DLG2: variants seen among roughly 807,000 people sequenced by gnomAD.
DLG2 encodes the protein disks large homolog 2.
In DLG2, 45 loss-of-function variants were observed where a neutral mutation model predicts 132.5. The observed-to-expected ratio is 0.34, with a 90% CI of 0.27 to 0.44. The LOEUF is 0.44. Ranked by LOEUF, DLG2 falls within the 20% of genes least tolerant of loss-of-function variation. The probability of loss-of-function intolerance (pLI) is 1.00; values close to 1 mark genes in which losing one functional copy is unlikely to be tolerated. For missense variants in DLG2, 1,045 were observed against 1,196.9 expected (o/e 0.87, Z 1.87); for synonymous variants, 424 against 419.6 (o/e 1.01, Z -0.13).
At chr11:84,877,846 C>T (rs1385198535) in intron 6 of DLG2, among the ~76,000 whole-genome samples, 1 of 151,926 alleles carries the variant, frequency 6.6e-6, no homozygotes, top group African/African-American at 2.4e-5. Flanking sequence ...CCAGAATCTA[C>T]AAGGAACTTA....
intron 9 of DLG2, among the ~76,000 whole-genome samples, chr11:84,112,366 A>G (rs1420190800): frequency 9.8e-6 from 1 of 102,430 alleles, no homozygotes; most frequent in Non-Finnish European, 1.9e-5. Flanking sequence ...TATGACTACC[A>G]CTTTTCATTC....
intron 15 of DLG2, among the ~76,000 whole-genome samples, chr11:83,896,263 A>C (rs2154093438): frequency 6.6e-6 from 1 of 152,368 alleles, no homozygotes; most frequent in South Asian, 2.1e-4. Context: ...ATCTTATTGA[A>C]GGTATCTAGT....
At chr11:85,415,681 C>A (rs2089771925) in intron 3 of DLG2, among the ~76,000 whole-genome samples, 1 of 151,886 alleles carries the variant, frequency 6.6e-6, no homozygotes, top group Non-Finnish European at 1.5e-5. Context: ...CTGTTCATAT[C>A]CTTTGCCCAC....
chr11:84,127,447 G>A (rs1273109631), intron 9 of DLG2, among the ~76,000 whole-genome samples: 1 of 152,178 alleles, frequency 6.6e-6, no homozygotes, highest in African/African-American at 2.4e-5. Context: ...CTGGAGGCTA[G>A]AAGTCTGAAA....
chr11:85,082,753 T>TTTC (rs1310058274), intron 6 of DLG2, among the ~76,000 whole-genome samples: 164 of 149,364 alleles, frequency 1.1e-3, no homozygotes, highest in Admixed American at 2.3e-3. Context: ...TTTTTTTTTT[T>TTTC]TTCACCTGAG....
At chr11:83,613,362 C>T (rs1235087004) in intron 19 of DLG2, among the ~76,000 whole-genome samples, 2 of 152,266 alleles carry the variant, frequency 1.3e-5, no homozygotes, top group East Asian at 1.9e-4. Flanking sequence ...TGTTCTTTGG[C>T]GCTCAGCTGC....
chr11:85,309,432 A>AG, intron 3 of DLG2, among the ~76,000 whole-genome samples: 1 of 151,620 alleles, frequency 6.6e-6, no homozygotes, highest in South Asian at 2.1e-4. Flanking sequence ...TTTCTACCAA[A>AG]AAAAAAAAAA....
chr11:84,753,654 T>A (rs2066473798), intron 6 of DLG2, among the ~76,000 whole-genome samples: 1 of 152,318 alleles, frequency 6.6e-6, no homozygotes, highest in Non-Finnish European at 1.5e-5. Flanking sequence ...TCAGGAAAGA[T>A]GTAGAAACTG....
At chr11:84,498,611 T>C (rs187094574) in intron 7 of DLG2, among the ~76,000 whole-genome samples, 1 of 152,282 alleles carries the variant, frequency 6.6e-6, no homozygotes, top group African/African-American at 2.4e-5. Flanking sequence ...AAGTTTTGGC[T>C]GAAACAGCAA....
intron 3 of DLG2, among the ~76,000 whole-genome samples, chr11:85,463,877 C>A (rs2092695263): frequency 6.6e-6 from 1 of 151,762 alleles, no homozygotes; most frequent in African/African-American, 2.4e-5. Context: ...AGAATTATAT[C>A]AATGGCAGAC....
At chr11:84,187,630 T>C (rs2096303898) in intron 8 of DLG2, among the ~76,000 whole-genome samples, 4 of 152,044 alleles carry the variant, frequency 2.6e-5, no homozygotes, top group Admixed American at 2.6e-4. Context: ...TTTATCTCAA[T>C]GTTGCTAAGT....
At chr11:85,053,632 C>CAAAAAAAAAAA in intron 6 of DLG2, among the ~76,000 whole-genome samples, 1 of 91,164 alleles carries the variant, frequency 1.1e-5, no homozygotes, top group African/African-American at 4.7e-5. Flanking sequence ...ACTAAAAATA[C>CAAAAAAAAAAA]AAAAAAAAAA....
intron 6 of DLG2, among the ~76,000 whole-genome samples, chr11:84,785,259 A>C (rs1359660372): frequency 1.3e-5 from 2 of 152,084 alleles, no homozygotes; most frequent in Non-Finnish European, 2.9e-5. Flanking sequence ...TTAAATAAAA[A>C]AAAATTCTCC....
intron 6 of DLG2, among the ~76,000 whole-genome samples, chr11:84,707,004 C>T (rs1201378409): frequency 6.6e-6 from 1 of 151,770 alleles, no homozygotes; most frequent in African/African-American, 2.4e-5. Flanking sequence ...AATTGCAGAA[C>T]ACCTAGCTGT....
intron 6 of DLG2, among the ~76,000 whole-genome samples, chr11:84,943,755 T>A (rs149513394): frequency 9.8e-4 from 150 of 152,330 alleles, no homozygotes; most frequent in Admixed American, 2.9e-3. Flanking sequence ...GTATTTCTAC[T>A]CATGATATGA....
At chr11:85,398,532 C>G (rs1340490223) in intron 3 of DLG2, among the ~76,000 whole-genome samples, 1 of 151,986 alleles carries the variant, frequency 6.6e-6, no homozygotes, top group Non-Finnish European at 1.5e-5. Flanking sequence ...AGACCACTAG[C>G]AGGACTAATA....
chr11:84,056,068 T>G (rs73513704), intron 11 of DLG2, among the ~76,000 whole-genome samples: 2 of 152,092 alleles, frequency 1.3e-5, no homozygotes, highest in East Asian at 1.9e-4. Flanking sequence ...GTTAAGTTTT[T>G]TTTTTCTTTT....
At chr11:85,359,146 T>G (rs142210000) in intron 3 of DLG2, among the ~76,000 whole-genome samples, 2 of 152,280 alleles carry the variant, frequency 1.3e-5, no homozygotes, top group South Asian at 4.1e-4. Flanking sequence ...TTAAGTTGGC[T>G]TTTAACCTCA....
At position 84,678,178 on chromosome 11, in the gene DLG2, T is replaced by TAGA. The variant is rs2099719249; in HGVS notation, c.358-143448_358-143447insTCT. Among the ~76,000 whole-genome samples the TAGA allele has an allele frequency of 1.3e-5, 2 of 152,204 alleles. 1 individual carries two copies. Among genetic ancestry groups the TAGA allele is most frequent in the East Asian group, 3.9e-4 (2 of 5,158 alleles). On this transcript the variant is annotated intron_variant, in intron 6 of 27. Transcript: ENST00000376104. The stretch of plus-strand genomic sequence containing the variant: ...GAGAGCTAACCTAGGCCTCCATAGC[T>TAGA]GCTTTTCTCTTCCTTTCTCTCAGAC...
Sources: gnomAD v4.1 joint callset for allele counts (sites outside exome capture counted in the v4.1 genomes callset) on GRCh38, gnomAD v4.1.1 for gene constraint, MANE v1.5 for transcripts, NCBI Gene and HGNC (gene_info 2026-07-23, HGNC 2026-07-21) for gene names.